The following NRXN2 variants were observed in gnomAD, a reference collection of about 807,000 sequenced individuals.
NRXN2 encodes neurexin-2-beta.
Under a neutral mutation model 128.8 loss-of-function variants are expected in NRXN2, and 29 were observed. The observed-to-expected ratio is 0.23, with a 90% CI of 0.17 to 0.31. The LOEUF is 0.31. NRXN2 is among the 10% of genes least tolerant of loss of function. The pLI is 1.00. For missense variants in NRXN2, 1,881 were observed against 2,452.6 expected, an observed-to-expected ratio of 0.77 and a Z score of 4.92; for synonymous variants, 1,098 against 1,075.2, an observed-to-expected ratio of 1.02 and a Z score of -0.41.
At chr11:64,666,512 A>AT (rs887514021) in intron 9 of NRXN2, among the ~76,000 whole-genome samples, 4 of 150,040 alleles carry the variant, frequency 2.7e-5, no homozygotes, top group Admixed American at 1.3e-4. Context: ...TAGTGAGTTA[A>AT]TTTTTTTTTA....
In NRXN2 at chr11:64,713,249, A is replaced by T; in HGVS notation, c.451T>A (p.Phe151Ile). The change falls in exon 2 of 23, where the codon TTC (phenylalanine) becomes ATC (isoleucine). Residue 151 changes from phenylalanine to isoleucine, a missense_variant. By Grantham distance (21) the Phe-to-Ile change is conservative. Transcript: ENST00000265459. ...ACGTCGGGCGGGATGCCGCCCACGA[A>T]CAGGTCGCTGGCCACCTGCATCTCG... The part of the protein sequence containing the change: ...RREMQVASDL[F>I]VGGIPPDVRL... 1 of 1,455,360 alleles carries T rather than the reference A, an allele frequency of 6.9e-7. No homozygotes were observed. Among genetic ancestry groups the T allele is most frequent in the Non-Finnish European group, 9.0e-7 (1 of 1,106,738 alleles). 90.2% of individuals were successfully genotyped at this position (1,455,360 alleles called of 1,614,324 possible).
intron 15 of NRXN2, among the ~76,000 whole-genome samples, chr11:64,649,406 C>T (rs566687097): frequency 6.6e-6 from 1 of 152,242 alleles, no homozygotes; most frequent in Non-Finnish European, 1.5e-5. Context: ...AGTTCTCCTC[C>T]GCAACACCTG....
At chr11:64,692,256 G>A (rs946923616) in intron 4 of NRXN2, among the ~76,000 whole-genome samples, 1 of 152,212 alleles carries the variant, frequency 6.6e-6, no homozygotes, top group African/African-American at 2.4e-5. Context: ...GGGTGAAGGC[G>A]TGCGGGTGGG....
chr11:64,620,204 G>T, intron 22 of NRXN2, 90 bp downstream of exon 22: 3 of 1,031,560 alleles, frequency 2.9e-6, no homozygotes, highest in Non-Finnish European at 4.4e-6. Flanking sequence ...AGCAGGCCCT[G>T]GGGCTTGGGC....
At position 64,668,430 on chromosome 11, in the gene NRXN2, T is replaced by C; in HGVS notation, c.1359+13A>G. 1.2e-6 allele frequency: 2 copies of C among 1,613,220 alleles called. No individual in the cohort carries two copies. Among genetic ancestry groups the C allele is most frequent in the Non-Finnish European group, 1.7e-6 (2 of 1,179,988 alleles). On this transcript the variant is annotated intron_variant, in intron 8 of 22. Transcript: ENST00000265459. Reference sequence around the variant, plus strand: ...TCCTGAACAGCCTGCAGCCCCTCCCTAGCCCTACTCACGTCCTTGAGGCAG... The same window carrying C: ...TCCTGAACAGCCTGCAGCCCCTCCCCAGCCCTACTCACGTCCTTGAGGCAG...
intron 17 of NRXN2, among the ~76,000 whole-genome samples, chr11:64,647,759 A>C (rs548629968): frequency 1.4e-4 from 22 of 152,348 alleles, no homozygotes; most frequent in African/African-American, 5.1e-4. Context: ...AGCAGGAAAT[A>C]ACAGATTCCC....
Position 64,692,876 on chromosome 11 carries a change from C to G in NRXN2, c.749G>C (p.Gly250Ala), listed in dbSNP as rs2135588749. 6.2e-7 allele frequency: 1 copy of G among 1,610,468 alleles called. No individual in the cohort carries two copies. ...FCSEEEHPMEGPAHLTLNSEV... is the reference protein window; with the variant it reads ...FCSEEEHPMEAPAHLTLNSEV... ...GCTGTTTAACGTCAGGTGAGCCGGA[C>G]CTTGGAAAGGGGAAGGAGAGAAAGA... The change falls in exon 4 of 23, where the codon GGT (glycine) becomes GCT (alanine). Residue 250 changes from glycine (G) to alanine (A), a missense_variant and splice_region_variant. This residue lies in a region of NRXN2 where 997 missense variants were observed against 1,240.8 expected (regional missense o/e 0.80). Coordinates refer to ENST00000265459, the MANE Select transcript of NRXN2 (RefSeq NM_015080.4).
intron 6 of NRXN2, among the ~76,000 whole-genome samples, chr11:64,683,809 C>G (rs17146216): frequency 0.23 from 34,562 of 151,868 alleles, 4,191 homozygotes; most frequent in East Asian, 0.48. Context: ...CATCAGTTAC[C>G]AGCTTGGACT....
chr11:64,615,534 G>T (rs977192371), intron 22 of NRXN2, among the ~76,000 whole-genome samples: 2 of 152,182 alleles, frequency 1.3e-5, no homozygotes, highest in Admixed American at 1.3e-4. Context: ...GCTTCAGGAG[G>T]GATGCTTGCA....
intron 3 of NRXN2, among the ~76,000 whole-genome samples, chr11:64,697,471 C>T (rs1161533995): frequency 2.0e-5 from 3 of 152,118 alleles, no homozygotes; most frequent in Middle Eastern, 3.2e-3. Flanking sequence ...CTGGGCACTT[C>T]GGAATCCTGT....
At chr11:64,672,081 C>T (rs2050712320) in intron 7 of NRXN2, among the ~76,000 whole-genome samples, 1 of 152,202 alleles carries the variant, frequency 6.6e-6, no homozygotes, top group Non-Finnish European at 1.5e-5. Flanking sequence ...AGCTTCTGCC[C>T]TGGAAGAGTT....
intron 5 of NRXN2, chr11:64,688,389 A>C (rs1565414785): frequency 2.0e-6 from 2 of 985,312 alleles, no homozygotes; most frequent in East Asian, 1.1e-4. Flanking sequence ...AAAAGAGATG[A>C]GCAAGTGTGG....
At chr11:64,721,709 T>C (rs1460967384) in intron 1 of NRXN2, among the ~76,000 whole-genome samples, 1 of 151,462 alleles carries the variant, frequency 6.6e-6, no homozygotes, top group African/African-American at 2.4e-5. Context: ...TCCACCCTCC[T>C]CCAAAAGGAA....
At chr11:64,609,197 T>G (rs1591443238) in intron 22 of NRXN2, among the ~76,000 whole-genome samples, 1 of 151,856 alleles carries the variant, frequency 6.6e-6, no homozygotes, top group Admixed American at 6.6e-5. Flanking sequence ...GAGCTAAGCC[T>G]AACTCCCCAA....
chr11:64,722,649 G>A (rs2057463275), intron 1 of NRXN2, among the ~76,000 whole-genome samples: 1 of 151,498 alleles, frequency 6.6e-6, no homozygotes, highest in East Asian at 2.0e-4. Context: ...AGCACAGACT[G>A]GGGACCCCCC....
intron 19 of NRXN2, among the ~76,000 whole-genome samples, chr11:64,627,120 T>C (rs1428871758): frequency 6.6e-6 from 1 of 152,022 alleles, no homozygotes; most frequent in Non-Finnish European, 1.5e-5. Flanking sequence ...GCCTTCGTGC[T>C]CCACTCCCAG....
At chr11:64,693,795 G>GGACA (rs939449903) in intron 3 of NRXN2, among the ~76,000 whole-genome samples, 2 of 152,140 alleles carry the variant, frequency 1.3e-5, no homozygotes, top group African/African-American at 4.8e-5. Flanking sequence ...GGTCCAAAGA[G>GGACA]GACAGCCGAG....
Position 64,648,643 on chromosome 11 carries a change from C to T in NRXN2, c.3283+91G>A. On this transcript the variant is annotated intron_variant, in intron 16 of 22. Transcript: ENST00000265459. The surrounding 1 kb of genome is among the most constrained non-coding windows in gnomAD (Gnocchi z 4.1). ...AGGCCTGAGAAGGAAGGCCCCTTGG[C>T]AGAGCAAAGGCTACCTGCCCCGGTC... is the stretch of plus-strand genomic sequence containing the variant. The T allele has an allele frequency of 1.3e-6, 2 of 1,550,458 alleles. No individual in the cohort carries two copies. Among genetic ancestry groups the T allele is most frequent in the Admixed American group, 3.3e-5 (2 of 59,870 alleles).
At chr11:64,720,948 T>C (rs1479578890) in intron 1 of NRXN2, among the ~76,000 whole-genome samples, 1 of 151,832 alleles carries the variant, frequency 6.6e-6, no homozygotes, top group Non-Finnish European at 1.5e-5. Context: ...GGATGGGGGC[T>C]GTGTGCATCC....
Sources: gnomAD v4.1 joint callset for allele counts (sites outside exome capture counted in the v4.1 genomes callset) on GRCh38, gnomAD v4.1.1 for gene constraint, gnomAD v4.1.1 regional missense constraint, Gnocchi (gnomAD v3.1) non-coding constraint, MANE v1.5 for transcripts, NCBI Gene and HGNC (gene_info 2026-07-23, HGNC 2026-07-21) for gene names.